RORB: variants seen among roughly 807,000 people sequenced by gnomAD.
RORB encodes the protein nuclear receptor ROR-beta.
Under a neutral mutation model 59.1 loss-of-function variants are expected in RORB, and 6 were observed. That is an observed-to-expected ratio of 0.10 (90% confidence interval 0.06 to 0.20). The LOEUF (loss-of-function observed/expected upper bound fraction) is 0.20, where lower values mean the gene tolerates loss of function less well. Among genes scored for constraint, RORB ranks in the 10% least tolerant of loss-of-function variants. RORB has a pLI of 1.00. For missense variants in RORB, 320 were observed against 560.5 expected, an observed-to-expected ratio of 0.57 and a Z score of 4.33; for synonymous variants, 215 against 204.5, an observed-to-expected ratio of 1.05 and a Z score of -0.44.
At chr9:74,658,004 C>CAAAAAAAAAAAAAAA (rs60719147) in intron 4 of RORB, among the ~76,000 whole-genome samples, 10 of 97,824 alleles carry the variant, frequency 1.0e-4, no homozygotes, top group Non-Finnish European at 1.3e-4. Context: ...GACTCGGTCT[C>CAAAAAAAAAAAAAAA]AAAAAAAAAA....
rs151274249 is a variant in RORB, at chr9:74,542,624, C to T, written c.7+44641C>T. 1.1e-3 allele frequency among the ~76,000 whole-genome samples: 175 copies of T among 152,288 alleles called. 2 individuals are homozygous for T. The highest frequency in any genetic ancestry group is 4.0e-3 in the African/African-American group (165 of 41,584). On this transcript the variant is annotated intron_variant, in intron 1 of 9. Transcript: ENST00000376896. ...GAAGATACTCTGCAGTTTTTCACAA[C>T]TGATAAAAGATGTTACTTCTCTGAC...
chr9:74,684,372 C>T (rs1160640352), intron 9 of RORB, among the ~76,000 whole-genome samples: 3 of 152,162 alleles, frequency 2.0e-5, no homozygotes, highest in East Asian at 1.9e-4. Flanking sequence ...TATTTTTCAT[C>T]AATTTCAAGT....
chr9:74,592,858 C>T (rs1160802998), intron 1 of RORB, among the ~76,000 whole-genome samples: 4 of 152,156 alleles, frequency 2.6e-5, no homozygotes, highest in Non-Finnish European at 5.9e-5. Context: ...TGAACATGCA[C>T]ACACATGCAC....
At chr9:74,657,891 G>A (rs1338533681) in intron 4 of RORB, among the ~76,000 whole-genome samples, 1 of 150,832 alleles carries the variant, frequency 6.6e-6, no homozygotes, top group African/African-American at 2.4e-5. Context: ...TGTAATCACA[G>A]CTACTCGGGA....
chr9:74,659,922 G>C, intron 4 of RORB, among the ~76,000 whole-genome samples: 1 of 152,040 alleles, frequency 6.6e-6, no homozygotes, highest in East Asian at 1.9e-4. Flanking sequence ...AAAAGAAAAA[G>C]GTTATTATAT....
At chr9:74,583,492 ACTAATTTGTAAC>A (rs1414521457) in intron 1 of RORB, among the ~76,000 whole-genome samples, 2 of 152,130 alleles carry the variant, frequency 1.3e-5, no homozygotes, top group Middle Eastern at 3.4e-3. Context: ...AAATTAGGTT[ACTAATTTGTAAC>A]CTAATTTGGT....
At chr9:74,559,105 G>A (rs996039729) in intron 1 of RORB, among the ~76,000 whole-genome samples, 1 of 152,154 alleles carries the variant, frequency 6.6e-6, no homozygotes, top group Non-Finnish European at 1.5e-5. Flanking sequence ...CAAACTCCGT[G>A]CATACGATTT....
intron 9 of RORB, among the ~76,000 whole-genome samples, chr9:74,673,492 G>T (rs1314643224): frequency 6.6e-6 from 1 of 152,084 alleles, no homozygotes; most frequent in South Asian, 2.1e-4. Flanking sequence ...GTGTTGTGAG[G>T]TTCAAATGAG....
intron 1 of RORB, among the ~76,000 whole-genome samples, chr9:74,539,900 C>CA (rs1826378477): frequency 1.4e-5 from 2 of 144,270 alleles, no homozygotes; most frequent in Non-Finnish European, 3.0e-5. Context: ...TCCAAAGAAA[C>CA]AGAGTAATTT....
intron 1 of RORB, among the ~76,000 whole-genome samples, chr9:74,554,996 G>T (rs1002078443): frequency 2.0e-5 from 3 of 152,196 alleles, no homozygotes; most frequent in Non-Finnish European, 2.9e-5. Context: ...AGAGAGAAAC[G>T]TGGGCGCAGA....
chr9:74,631,834 A>G (rs994422645), intron 2 of RORB, among the ~76,000 whole-genome samples: 3 of 152,190 alleles, frequency 2.0e-5, no homozygotes, highest in Non-Finnish European at 4.4e-5. Flanking sequence ...CTCATCAAGA[A>G]TAAACAAGAA....
intron 3 of RORB, among the ~76,000 whole-genome samples, chr9:74,639,232 A>C (rs1005440942): frequency 6.6e-6 from 1 of 152,228 alleles, no homozygotes; most frequent in African/African-American, 2.4e-5. Flanking sequence ...TAGCTCAGGC[A>C]TGTCCTTGTC....
At chr9:74,592,616 C>A (rs1822916247) in intron 1 of RORB, among the ~76,000 whole-genome samples, 1 of 152,152 alleles carries the variant, frequency 6.6e-6, no homozygotes, top group South Asian at 2.1e-4. Context: ...CAACATGTCT[C>A]AAAACCTGCA....
chr9:74,540,182 C>A (rs1826383822), intron 1 of RORB, among the ~76,000 whole-genome samples: 1 of 152,088 alleles, frequency 6.6e-6, no homozygotes, highest in Admixed American at 6.6e-5. Context: ...CATTGATCTG[C>A]ACAGTTTGAA....
At chr9:74,660,863 G>A (rs1824169831) in intron 5 of RORB, 125 bp downstream of exon 5, 4 of 961,446 alleles carry the variant, frequency 4.2e-6, no homozygotes, top group Middle Eastern at 2.3e-4. Context: ...CAAATTGTTC[G>A]ATACTTACCA....
chr9:74,566,267 A>C (rs1041685238), intron 1 of RORB, among the ~76,000 whole-genome samples: 1 of 152,140 alleles, frequency 6.6e-6, no homozygotes, highest in Admixed American at 6.5e-5. Flanking sequence ...GCTCTATGAA[A>C]TCTAAACTTT....
chr9:74,685,585 C>T lies in RORB; in HGVS notation c.1347C>T (p.Leu449=), dbSNP rs1487634691. ...TGTTTCCTCCGTTATACAAGGAGCT[C>T]TTTAATCCTGACTGTGCCACCGGCT... ...NTLFPPLYKE[L]FNPDCATGCK Residue 449 remains leucine, a synonymous_variant, in exon 10 of 10, where the codon CTC becomes CTT. Transcript: ENST00000376896. 1.9e-6 allele frequency: 3 copies of T among 1,606,616 alleles called. No individual in the cohort carries two copies. The highest frequency in any genetic ancestry group is 2.2e-5 in the East Asian group (1 of 44,704).
intron 1 of RORB, among the ~76,000 whole-genome samples, chr9:74,554,471 A>G (rs1362820959): frequency 6.6e-6 from 1 of 151,614 alleles, no homozygotes; most frequent in African/African-American, 2.4e-5. Context: ...AAGCTGCATA[A>G]ATAATGAGCA....
In RORB at chr9:74,573,296, A is replaced by G. The variant is rs370189586; in HGVS notation, c.8-56986A>G. Among the ~76,000 whole-genome samples the G allele has an allele frequency of 5.3e-5, 8 of 152,024 alleles. No individual in the cohort carries two copies. The East Asian group carries it at 9.7e-4, about 18-fold the overall frequency. ...CACATCAGATATCAATGAGGGGCCA[A>G]TCAGCCACTTGTGCATGTCATTTGT... On this transcript the variant is annotated intron_variant, in intron 1 of 9. Coordinates refer to ENST00000376896, the MANE Select transcript of RORB (RefSeq NM_006914.4).
Sources: gnomAD v4.1 joint callset for allele counts (sites outside exome capture counted in the v4.1 genomes callset) on GRCh38, gnomAD v4.1.1 for gene constraint, MANE v1.5 for transcripts, NCBI Gene and HGNC (gene_info 2026-07-23, HGNC 2026-07-21) for gene names.